The following OPCML variants were observed in gnomAD, a reference collection of about 807,000 sequenced individuals.
The protein encoded by OPCML is opioid binding protein/cell adhesion molecule like, also known as opioid-binding protein/cell adhesion molecule.
In OPCML, 13 loss-of-function variants were observed where a neutral mutation model predicts 37.8. That is an observed-to-expected ratio of 0.34 (90% confidence interval 0.22 to 0.55). The LOEUF is 0.55. Among genes scored for constraint, OPCML ranks in the 20% least tolerant of loss-of-function variants. The pLI is 0.91. For missense variants in OPCML, 341 were observed against 435.6 expected, an observed-to-expected ratio of 0.78 and a Z score of 1.93; for synonymous variants, 176 against 168.8, an observed-to-expected ratio of 1.04 and a Z score of -0.33.
intron 2 of OPCML, among the ~76,000 whole-genome samples, chr11:132,850,518 T>G (rs11223247): frequency 4.8e-4 from 31 of 65,194 alleles, no homozygotes; most frequent in South Asian, 1.2e-3. Flanking sequence ...GTGGAAAGGG[T>G]GTGTGTGTGT....
At chr11:132,640,057 G>A (rs762734335) in intron 3 of OPCML, among the ~76,000 whole-genome samples, 23 of 152,202 alleles carry the variant, frequency 1.5e-4, no homozygotes, top group Non-Finnish European at 2.8e-4. Context: ...AGCCACAATA[G>A]GTACTTTGTT....
At chr11:133,192,883 TTC>T (rs1454281978) in intron 1 of OPCML, among the ~76,000 whole-genome samples, 1 of 151,956 alleles carries the variant, frequency 6.6e-6, no homozygotes, top group African/African-American at 2.4e-5. Context: ...TTTTTTTTTT[TTC>T]ATTTCCAGTT....
intron 3 of OPCML, among the ~76,000 whole-genome samples, chr11:132,581,921 G>A (rs1403130061): frequency 6.6e-6 from 1 of 152,044 alleles, no homozygotes; most frequent in Admixed American, 6.6e-5. Flanking sequence ...GATAAGGAAT[G>A]ACTTGTCTCA....
chr11:133,168,315 C>A (rs1179058106), intron 1 of OPCML, among the ~76,000 whole-genome samples: 1 of 152,056 alleles, frequency 6.6e-6, no homozygotes, highest in Non-Finnish European at 1.5e-5. Context: ...AGGTCAGAGG[C>A]AGGGAAACTG....
At chr11:132,778,593 A>G (rs560796830) in intron 2 of OPCML, among the ~76,000 whole-genome samples, 17 of 152,280 alleles carry the variant, frequency 1.1e-4, no homozygotes, top group African/African-American at 4.1e-4. Flanking sequence ...TCATTCTAGT[A>G]ATTATATTCT....
intron 1 of OPCML, among the ~76,000 whole-genome samples, chr11:133,198,954 A>G (rs922441018): frequency 6.6e-6 from 1 of 152,350 alleles, no homozygotes; most frequent in Admixed American, 6.5e-5. Context: ...GAAGGTACAT[A>G]ACTCAAAGCA....
rs564157415 is a variant in OPCML at position 132,479,750 on chromosome 11, C to A, written c.506-42391G>T. On this transcript the variant is annotated intron_variant, in intron 4 of 7. Transcript: ENST00000524381. ...CCAAGCAGCCTAACTGGGAGGCACC[C>A]CCCAGCAGGGGCAGACTGACACCTC... Among the ~76,000 whole-genome samples, 6 of 152,276 alleles carry A rather than the reference C, an allele frequency of 3.9e-5. No individual in the cohort carries two copies. In the South Asian group the frequency reaches 1.2e-3, roughly 32 times the overall value.
chr11:132,486,825 A>G (rs1271865276), intron 4 of OPCML, among the ~76,000 whole-genome samples: 2 of 152,174 alleles, frequency 1.3e-5, no homozygotes, highest in Non-Finnish European at 2.9e-5. Context: ...GCAAAGCTTA[A>G]CCAAGGAGAG....
chr11:133,429,803 G>A (rs971907714), intron 1 of OPCML, among the ~76,000 whole-genome samples: 2 of 152,132 alleles, frequency 1.3e-5, no homozygotes, highest in Admixed American at 1.3e-4. Flanking sequence ...ATTTAATTTG[G>A]GCTATGACAC....
At chr11:132,671,740 C>G (rs533729181) in intron 2 of OPCML, among the ~76,000 whole-genome samples, 33 of 151,698 alleles carry the variant, frequency 2.2e-4, no homozygotes, top group Admixed American at 5.2e-4. Context: ...GCATGAAAAC[C>G]CAAATTTTCA....
intron 1 of OPCML, among the ~76,000 whole-genome samples, chr11:132,967,628 T>C (rs1946244245): frequency 6.6e-6 from 1 of 152,204 alleles, no homozygotes; most frequent in Non-Finnish European, 1.5e-5. Flanking sequence ...AATACAATTA[T>C]GTACACATTG....
chr11:132,816,018 T>C (rs1939614533), intron 2 of OPCML, among the ~76,000 whole-genome samples: 1 of 152,162 alleles, frequency 6.6e-6, no homozygotes, highest in East Asian at 1.9e-4. Flanking sequence ...AAATAGGACA[T>C]GAAATCAGCT....
rs183104772 is a variant in OPCML at position 133,208,034 on chromosome 11, C to T, written c.62-265024G>A. Among the ~76,000 whole-genome samples, 4 of 152,310 alleles carry T rather than the reference C, an allele frequency of 2.6e-5. No individual in the cohort carries two copies. Among genetic ancestry groups the T allele is most frequent in the Non-Finnish European group, 5.9e-5 (4 of 68,018 alleles). ...TAAGAACTCAAACTGCATTTAACCACCCTAGGCAAGGTTAAGAGCTCCTTA... is the reference window on the plus strand; with the variant it reads ...TAAGAACTCAAACTGCATTTAACCATCCTAGGCAAGGTTAAGAGCTCCTTA... On this transcript the variant is annotated intron_variant, in intron 1 of 7. Transcript: ENST00000524381. The surrounding 1 kb of genome is among the most constrained non-coding windows in gnomAD (Gnocchi z 8.9).
rs1344805440 is a variant in OPCML at position 133,483,820 on chromosome 11, G to GATAGATAGATAGATAGATAGATAGATAA, written c.61+48443_61+48444insTTATCTATCTATCTATCTATCTATCTAT. ...TGATAGATAGATAGATAGATAGATA[G>GATAGATAGATAGATAGATAGATAGATAA]ATAGATAGGATGGATACATAGATGA... On this transcript the variant is annotated intron_variant, in intron 1 of 7. Transcript: ENST00000524381. 8.0e-3 allele frequency among the ~76,000 whole-genome samples: 1,193 copies of GATAGATAGATAGATAGATAGATAGATAA among 149,634 alleles called. 21 individuals are homozygous for GATAGATAGATAGATAGATAGATAGATAA. The highest frequency in any genetic ancestry group is 0.028 in the African/African-American group (1,134 of 40,478).
rs1939018498 is a variant in OPCML at position 133,205,353 on chromosome 11, A to G, written c.62-262343T>C. 6.6e-6 allele frequency among the ~76,000 whole-genome samples: 1 copy of G among 152,048 alleles called. No homozygotes were observed. Among genetic ancestry groups the G allele is most frequent in the Non-Finnish European group, 1.5e-5 (1 of 68,014 alleles). On this transcript the variant is annotated intron_variant, in intron 1 of 7. Transcript: ENST00000524381. The surrounding 1 kb of genome is among the most constrained non-coding windows in gnomAD (Gnocchi z 4.8). The stretch of plus-strand genomic sequence containing the variant: ...CTCTTCCAGCCGGCTGCTCCCCTGT[A>G]TCCTCTATTGATACACAGGCAAGTG...
intron 4 of OPCML, among the ~76,000 whole-genome samples, chr11:132,466,367 C>G (rs1381788459): frequency 6.6e-6 from 1 of 151,364 alleles, no homozygotes; most frequent in African/African-American, 2.4e-5. Context: ...GCCTGTAGTC[C>G]CAGCTACTCA....
At chr11:132,912,741 A>C (rs1015932646) in intron 2 of OPCML, among the ~76,000 whole-genome samples, 2 of 152,022 alleles carry the variant, frequency 1.3e-5, no homozygotes, top group Non-Finnish European at 2.9e-5. Flanking sequence ...TTTGTCTTTG[A>C]CTCTCATCTC....
At chr11:133,131,405 T>A (rs1275281167) in intron 1 of OPCML, among the ~76,000 whole-genome samples, 1 of 152,164 alleles carries the variant, frequency 6.6e-6, no homozygotes, top group Non-Finnish European at 1.5e-5. Flanking sequence ...GAGAAAATTA[T>A]TTTAAAAAGT....
chr11:133,272,219 G>A (rs1030780746), intron 1 of OPCML, among the ~76,000 whole-genome samples: 1 of 147,018 alleles, frequency 6.8e-6, no homozygotes, highest in Non-Finnish European at 1.5e-5. Context: ...AGTTGAAGTG[G>A]TCTTTATTTA....
Sources: allele counts gnomAD v4.1 joint callset (sites outside exome capture counted in the v4.1 genomes callset), GRCh38; gene constraint gnomAD v4.1.1; non-coding constraint Gnocchi (gnomAD v3.1); transcripts MANE v1.5; gene names NCBI Gene and HGNC (gene_info 2026-07-23, HGNC 2026-07-21).